The following ITGA4 variants were observed in gnomAD, a reference collection of about 807,000 sequenced individuals.
The protein encoded by ITGA4 is integrin alpha-4.
Under a neutral mutation model 133.6 loss-of-function variants are expected in ITGA4, and 63 were observed. The observed-to-expected ratio is 0.47, with a 90% CI of 0.38 to 0.58. The LOEUF (loss-of-function observed/expected upper bound fraction) is 0.58, where lower values mean the gene tolerates loss of function less well. Ranked by LOEUF, ITGA4 falls within the 20% of genes least tolerant of loss-of-function variation. ITGA4 has a pLI of 0.00. For synonymous variants in ITGA4, 483 were observed against 438.0 expected (o/e 1.10, Z -1.28); for missense variants, 1,076 against 1,252.7 (o/e 0.86, Z 2.13).
Position 181,485,909 on chromosome 2 carries a change from A to G in ITGA4, c.1070A>G (p.Asn357Ser). The G allele has an allele frequency of 6.2e-7, 1 of 1,604,806 alleles. No individual in the cohort carries two copies. Among genetic ancestry groups the G allele is most frequent in the Non-Finnish European group, 8.5e-7 (1 of 1,177,882 alleles). Residue 357 changes from asparagine (N) to serine (S), a missense_variant, in exon 10 of 28, where the codon AAC (asparagine) becomes AGC (serine). By Grantham distance (46) the Asn-to-Ser change is conservative. Coordinates refer to ENST00000397033, the MANE Select transcript of ITGA4 (RefSeq NM_000885.6). ...SGAVMNAMET[N>S]LVGSDKYAAR... ...GCAGTAATGAATGCAATGGAAACAA[A>G]CCTCGTTGGAAGTGACAAATATGCT... is the stretch of plus-strand genomic sequence containing the variant.
rs144561498 is a variant in ITGA4 at position 181,516,511 on chromosome 2, G to T, written c.1922+4736G>T. On this transcript the variant is annotated intron_variant, in intron 17 of 27. Transcript: ENST00000397033. This position sits in a 1 kb window ranked among gnomAD's most constrained non-coding sequence, Gnocchi z 4.0. ...AGAGAAAAGGGAAAAGAGCAAAAGT[G>T]CTTGGTCATCTTTAAGTTGCCCTTC... is the stretch of plus-strand genomic sequence containing the variant. 5.0e-3 allele frequency among the ~76,000 whole-genome samples: 757 copies of T among 152,044 alleles called. 8 individuals carry two copies. Among genetic ancestry groups the T allele is most frequent in the African/African-American group, 0.017 (715 of 41,502 alleles).
intron 17 of ITGA4, among the ~76,000 whole-genome samples, chr2:181,517,909 C>T (rs930478444): frequency 5.9e-5 from 9 of 152,044 alleles, no homozygotes; most frequent in African/African-American, 2.2e-4. Context: ...GTGACTAATG[C>T]TTTGGTTACA....
chr2:181,518,175 C>A (rs539793201), intron 17 of ITGA4, among the ~76,000 whole-genome samples: 1 of 152,162 alleles, frequency 6.6e-6, no homozygotes, highest in Non-Finnish European at 1.5e-5. Context: ...ACGAGTAAAT[C>A]ACAGCCATTC....
intron 2 of ITGA4, among the ~76,000 whole-genome samples, chr2:181,468,428 C>T (rs1409321508): frequency 6.6e-6 from 1 of 152,188 alleles, no homozygotes. Context: ...TTTCAAAATT[C>T]CCTCCCTCAT....
At chr2:181,525,341 TC>T in intron 21 of ITGA4, 50 bp downstream of exon 21, 1 of 969,480 alleles carries the variant, frequency 1.0e-6, no homozygotes, top group Non-Finnish European at 1.6e-6. Flanking sequence ...ATTTACAGTT[TC>T]CTTGCTTCTT....
chr2:181,537,070 C>CTGAACCCAGA lies in ITGA4; in HGVS notation c.*1544_*1553dup, dbSNP rs1687160035. On this transcript the variant is annotated 3_prime_UTR_variant, in exon 28 of 28. Transcript: ENST00000397033. ...TAGTGAAATGTAAGCACAAAACCTC[C>CTGAACCCAGA]TGAACCCAGAGTGTGTATACACAGG... 1 of 445,738 alleles carries CTGAACCCAGA rather than the reference C, an allele frequency of 2.2e-6. No individual in the cohort carries two copies. 27.6% of individuals were successfully genotyped at this position (445,738 alleles called of 1,614,324 possible).
At chr2:181,530,777 T>C (rs1249331736) in intron 24 of ITGA4, 128 bp downstream of exon 24, 1 of 800,084 alleles carries the variant, frequency 1.2e-6, no homozygotes, top group South Asian at 1.9e-5. Flanking sequence ...GTAGTATTCT[T>C]GCGTGGAAGG....
intron 2 of ITGA4, among the ~76,000 whole-genome samples, chr2:181,473,737 G>T (rs1305659331): frequency 1.3e-5 from 2 of 152,162 alleles, no homozygotes; most frequent in Non-Finnish European, 2.9e-5. Context: ...GGAGGTCAAA[G>T]CAAGAGGATC....
chr2:181,490,084 C>T (rs1553505781), intron 10 of ITGA4, among the ~76,000 whole-genome samples: 1 of 152,114 alleles, frequency 6.6e-6, no homozygotes, highest in Non-Finnish European at 1.5e-5. Context: ...CGGAACAAAA[C>T]AGGATAGGGA....
intron 2 of ITGA4, among the ~76,000 whole-genome samples, chr2:181,462,795 T>G (rs1022688488): frequency 1.3e-5 from 2 of 152,162 alleles, no homozygotes; most frequent in Non-Finnish European, 2.9e-5. Flanking sequence ...TTAAGTTTAC[T>G]TGGTCACTGA....
Position 181,457,753 on chromosome 2 carries a change from C to T in ITGA4, c.99C>T (p.Pro33=), listed in dbSNP as rs1484529693. 1 of 1,613,526 alleles carries T rather than the reference C, an allele frequency of 6.2e-7. No individual in the cohort carries two copies. The highest frequency in any genetic ancestry group is 1.1e-5 in the South Asian group (1 of 91,018). Residue 33 remains proline, a synonymous_variant, in exon 1 of 28, where the codon CCC becomes CCT. Coordinates refer to ENST00000397033, the MANE Select transcript of ITGA4 (RefSeq NM_000885.6). ...LLCLGVPTGR[P]YNVDTESALL... is the part of the protein sequence containing the mutation. ...GCCTGGGGGTCCCGACCGGCCGCCCCTACAACGTGGACACTGAGAGCGCGC... is the reference window on the plus strand; with the variant it reads ...GCCTGGGGGTCCCGACCGGCCGCCCTTACAACGTGGACACTGAGAGCGCGC...
At chr2:181,513,151 C>T (rs1686538316) in intron 17 of ITGA4, among the ~76,000 whole-genome samples, 1 of 151,978 alleles carries the variant, frequency 6.6e-6, no homozygotes, top group Non-Finnish European at 1.5e-5. Flanking sequence ...GTTTGGCACC[C>T]TAAATGGTCC....
At chr2:181,487,867 A>G (rs1685957424) in intron 10 of ITGA4, among the ~76,000 whole-genome samples, 1 of 152,214 alleles carries the variant, frequency 6.6e-6, no homozygotes. Context: ...TCTACCTAAT[A>G]AAGACCTATG....
At position 181,535,564 on chromosome 2, in the gene ITGA4, C is replaced by G; in HGVS notation, c.*37C>G. ...AAATTGAGAGAATGGAAAACAGACT[C>G]AGGTTGTAGTAAAGAAATTTAAAAG... On this transcript the variant is annotated 3_prime_UTR_variant, in exon 28 of 28. Transcript: ENST00000397033. The G allele has an allele frequency of 6.4e-7, 1 of 1,556,878 alleles. No individual in the cohort carries two copies. The highest frequency in any genetic ancestry group is 8.7e-7 in the Non-Finnish European group (1 of 1,154,710).
chr2:181,538,603 A>G lies in ITGA4; in HGVS notation c.*3076A>G, dbSNP rs867967918. Among the ~76,000 whole-genome samples, 1 of 152,146 alleles carries G rather than the reference A, an allele frequency of 6.6e-6. No individual in the cohort carries two copies. On this transcript the variant is annotated 3_prime_UTR_variant, in exon 28 of 28. Coordinates refer to ENST00000397033, the MANE Select transcript of ITGA4 (RefSeq NM_000885.6). ...TTTGCAGGTTCCTAAACCTGTTTAT[A>G]CCAGTTGCTATGTAAAATTGTTCCC...
rs1467325948 is a variant in ITGA4 at position 181,530,669 on chromosome 2, G to A, written c.2664+20G>A. On this transcript the variant is annotated intron_variant, in intron 24 of 27. Coordinates refer to ENST00000397033, the MANE Select transcript of ITGA4 (RefSeq NM_000885.6). The stretch of plus-strand genomic sequence containing the variant: ...CTATTGGTAAGTTTCAGTTTTTCAG[G>A]TTGTAGTTCCTGCTTTCCAACAGAG... 3 of 1,601,358 alleles carry A rather than the reference G, an allele frequency of 1.9e-6. No individual in the cohort carries two copies. Among genetic ancestry groups the A allele is most frequent in the Middle Eastern group, 1.7e-4 (1 of 5,996 alleles).
At chr2:181,490,474 G>A (rs1686025275) in intron 10 of ITGA4, among the ~76,000 whole-genome samples, 1 of 138,128 alleles carries the variant, frequency 7.2e-6, no homozygotes, top group Non-Finnish European at 1.5e-5. Flanking sequence ...TTTTATGGCT[G>A]AATAGTATTC....
chr2:181,537,995 C>T lies in ITGA4; in HGVS notation c.*2468C>T, dbSNP rs1007716993. 4.4e-6 allele frequency: 3 copies of T among 677,336 alleles called. No individual in the cohort carries two copies. The highest frequency in any genetic ancestry group is 2.8e-5 in the East Asian group (1 of 35,274). 42.0% of individuals were successfully genotyped at this position (677,336 alleles called of 1,614,324 possible). A position where few individuals can be genotyped will look rare whatever the true frequency, so the allele number is the denominator to read the frequency against. On this transcript the variant is annotated 3_prime_UTR_variant, in exon 28 of 28. Coordinates refer to ENST00000397033, the MANE Select transcript of ITGA4 (RefSeq NM_000885.6). ...GTGAGGGATCTAGAGTGCCATGTTC[C>T]TCAAGAGAATCTAATGCCTGATGAT... is the stretch of plus-strand genomic sequence containing the variant.
chr2:181,476,925 TATGG>T (rs1445275087), intron 4 of ITGA4, among the ~76,000 whole-genome samples: 5 of 152,040 alleles, frequency 3.3e-5, no homozygotes, highest in African/African-American at 1.2e-4. Context: ...ATTGAGTACA[TATGG>T]ACACAAGGGA....
Sources: allele counts gnomAD v4.1 joint callset (sites outside exome capture counted in the v4.1 genomes callset), GRCh38; gene constraint gnomAD v4.1.1; non-coding constraint Gnocchi (gnomAD v3.1); transcripts MANE v1.5; gene names NCBI Gene and HGNC (gene_info 2026-07-23, HGNC 2026-07-21).